The following MAG variants were observed in gnomAD, a reference collection of about 807,000 sequenced individuals.
The protein encoded by MAG is myelin-associated glycoprotein.
MAG carries 30 observed loss-of-function variants against 60.7 expected under a neutral mutation model. That is an observed-to-expected ratio of 0.49 (90% CI 0.37 to 0.67). The LOEUF is 0.67. Among genes scored for constraint, MAG ranks in the 30% least tolerant of loss-of-function variants. The pLI, the probability that MAG is intolerant of heterozygous loss-of-function variation, is 0.00. For missense variants in MAG, 795 were observed against 851.7 expected, an observed-to-expected ratio of 0.93 and a Z score of 0.83; for synonymous variants, 384 against 376.8, an observed-to-expected ratio of 1.02 and a Z score of -0.22.
At chr19:35,305,564 C>T (rs548642242) in intron 7 of MAG, among the ~76,000 whole-genome samples, 5 of 152,184 alleles carry the variant, frequency 3.3e-5, no homozygotes, top group Non-Finnish European at 7.4e-5. Flanking sequence ...CCAGCTCTGT[C>T]CCCATCCTCC....
At chr19:35,302,912 CTTTTT>C (rs869126086) in intron 7 of MAG, among the ~76,000 whole-genome samples, 2 of 99,824 alleles carry the variant, frequency 2.0e-5, no homozygotes, top group Non-Finnish European at 3.9e-5. Flanking sequence ...CGGGAGTGGG[CTTTTT>C]TTTTTTTTTT....
Position 35,293,464 on chromosome 19 carries a change from G to A in MAG, c.-79-771G>A, listed in dbSNP as rs549171322. On this transcript the variant is annotated intron_variant, in intron 1 of 10. Coordinates refer to ENST00000392213, the MANE Select transcript of MAG (RefSeq NM_002361.4). The surrounding 1 kb of genome is among the most constrained non-coding windows in gnomAD (Gnocchi z 4.0). ...TGTCTGGGTGTCTGTATGAGTCTCC[G>A]CTGCGTGTGCCTGCCCCTTCTGGCT... is the stretch of plus-strand genomic sequence containing the variant. Among the ~76,000 whole-genome samples the A allele has an allele frequency of 3.3e-5, 5 of 152,130 alleles. No individual in the cohort carries two copies. The highest frequency in any genetic ancestry group is 1.3e-4 in the Admixed American group (2 of 15,302).
In MAG at chr19:35,302,474, G is replaced by A. The variant is rs199764089; in HGVS notation, c.997G>A (p.Gly333Arg). 9 of 1,613,998 alleles carry A rather than the reference G, an allele frequency of 5.6e-6. No homozygotes were observed. The highest frequency in any genetic ancestry group is 2.7e-5 in the African/African-American group (2 of 74,886). ...MYAPWKPTVN[G>R]TMVAVEGETV... ...TGCACCCTGGAAGCCAACAGTGAAC[G>A]GGACAATGGTGGCCGTAGAGGGGGA... is the stretch of plus-strand genomic sequence containing the variant. The change falls in exon 7 of 11, where the codon GGG becomes AGG. Residue 333 changes from glycine to arginine, a missense_variant. Gly to Arg is a moderately radical substitution (Grantham distance 125). Transcript: ENST00000392213.
At chr19:35,297,519 CCA>C (rs1156992642) in intron 4 of MAG, among the ~76,000 whole-genome samples, 1 of 144,452 alleles carries the variant, frequency 6.9e-6, no homozygotes, top group Non-Finnish European at 1.5e-5. Flanking sequence ...ACCACACACA[CCA>C]CACACACCAC....
Position 35,300,196 on chromosome 19 carries a change from C to A in MAG, c.762C>A (p.Gly254=), listed in dbSNP as rs769833164. The A allele has an allele frequency of 6.4e-6, 10 of 1,570,556 alleles. No homozygotes were observed. The African/African-American group carries it at 1.2e-4, about 19-fold the overall frequency. Residue 254 remains glycine, a synonymous_variant, in exon 6 of 11, where the codon GGC becomes GGA. Coordinates refer to ENST00000392213, the MANE Select transcript of MAG (RefSeq NM_002361.4). The stretch of plus-strand genomic sequence containing the variant: ...ACTCCTCGGTGGAGGCCATCGAGGG[C>A]TCCCACGTGAGCCTGCTCTGTGGGG... ...EMNSSVEAIE[G]SHVSLLCGAD... is the part of the protein sequence containing the mutation.
At chr19:35,305,202 C>G (rs2066475242) in intron 7 of MAG, among the ~76,000 whole-genome samples, 1 of 152,158 alleles carries the variant, frequency 6.6e-6, no homozygotes, top group Non-Finnish European at 1.5e-5. Context: ...AGTGCTTGCC[C>G]TTGGAGAGTG....
Position 35,299,802 on chromosome 19 carries a change from C to T in MAG, c.664C>T (p.Pro222Ser). 6.5e-7 allele frequency: 1 copy of T among 1,539,280 alleles called. No homozygotes were observed. Residue 222 changes from proline (P) to serine (S), a missense_variant, in exon 5 of 11, where the codon CCC (proline) becomes TCC (serine). Transcript: ENST00000392213. ...CAGGCTGGGCTGCCAGGCCTCCTTC[C>T]CCAACACCACCCTGCAGTTCGAGGG... Reference protein sequence around the residue: ...GHRLGCQASFPNTTLQFEGYA... With the variant: ...GHRLGCQASFSNTTLQFEGYA...
intron 1 of MAG, among the ~76,000 whole-genome samples, chr19:35,292,493 G>A (rs1030911114): frequency 1.3e-5 from 2 of 152,074 alleles, no homozygotes; most frequent in African/African-American, 2.4e-5. Flanking sequence ...TGGGGTTCCC[G>A]AGTGCGGGGC....
chr19:35,299,419 A>T, intron 4 of MAG, 135 bp from the exon 5 acceptor site: 1 of 589,604 alleles, frequency 1.7e-6, no homozygotes, highest in Non-Finnish European at 2.8e-6. Flanking sequence ...ATCTGGAGGC[A>T]GGGAGCGGAG....
In MAG at chr19:35,309,975, G is replaced by C. The variant is rs1411127415; in HGVS notation, c.1333G>C (p.Glu445Gln). The C allele has an allele frequency of 6.2e-7, 1 of 1,614,034 alleles. No individual in the cohort carries two copies. Among genetic ancestry groups the C allele is most frequent in the Non-Finnish European group, 8.5e-7 (1 of 1,179,934 alleles). The change falls in exon 8 of 11, where the codon GAG (glutamate) becomes CAG (glutamine). Residue 445 changes from glutamate (E) to glutamine (Q), a missense_variant. By Grantham distance (29) the Glu-to-Gln change is conservative (BLOSUM62 2). Transcript: ENST00000392213. ...CAACCCGGAGCCGTCCGTGGCCTTTGAGCTGCCATCGCGCAATGTGACCGT... is the reference window on the plus strand; with the variant it reads ...CAACCCGGAGCCGTCCGTGGCCTTTCAGCTGCCATCGCGCAATGTGACCGT... The part of the protein sequence containing the change: ...KSNPEPSVAF[E>Q]LPSRNVTVNE...
rs1386726232 is a variant in MAG at position 35,310,739 on chromosome 19, C to T, written c.1616+96C>T. The T allele has an allele frequency of 2.9e-6, 3 of 1,024,266 alleles. No individual in the cohort carries two copies. In the South Asian group the frequency reaches 3.9e-5, roughly 13 times the overall value. The allele number at this position is 1,024,266 out of a possible 1,614,324, so 63.4% of individuals were successfully genotyped here. On this transcript the variant is annotated intron_variant, in intron 9 of 10. Transcript: ENST00000392213. ...CAGAGTGGGTGGGGGAAGGCAGCAC[C>T]ATAAGTGTAGAGAAGGCAGATTCTG...
chr19:35,310,628 C>A lies in MAG; in HGVS notation c.1601C>A (p.Thr534Asn). Residue 534 changes from threonine (T) to asparagine (N), a missense_variant, in exon 9 of 11, where the codon ACC (threonine) becomes AAC (asparagine). Thr to Asn is a moderately conservative substitution (Grantham distance 65). Coordinates refer to ENST00000392213, the MANE Select transcript of MAG (RefSeq NM_002361.4). Reference protein sequence around the residue: ...AILIAIVCYITQTRRKKNVTE... With the variant: ...AILIAIVCYINQTRRKKNVTE... ...CTGATTGCCATCGTCTGCTACATTACCCAGACACGCAGGAAGTGAGTGCCA... is the reference window on the plus strand; with the variant it reads ...CTGATTGCCATCGTCTGCTACATTAACCAGACACGCAGGAAGTGAGTGCCA... 6.2e-7 allele frequency: 1 copy of A among 1,614,016 alleles called. No homozygotes were observed. Among genetic ancestry groups the A allele is most frequent in the Non-Finnish European group, 8.5e-7 (1 of 1,180,002 alleles).
At chr19:35,304,533 T>TTTA (rs1205659549) in intron 7 of MAG, among the ~76,000 whole-genome samples, 5 of 151,688 alleles carry the variant, frequency 3.3e-5, no homozygotes, top group Non-Finnish European at 7.4e-5. Context: ...AGTTCTTATT[T>TTTA]TTATTATTAT....
At chr19:35,297,333 ACACAC>A (rs2066406872) in intron 4 of MAG, among the ~76,000 whole-genome samples, 1 of 144,510 alleles carries the variant, frequency 6.9e-6, no homozygotes, top group South Asian at 2.2e-4. Context: ...CACACCACAC[ACACAC>A]CACACTACAA....
At position 35,313,560 on chromosome 19, in the gene MAG, G is replaced by A. The variant is rs1351305277; in HGVS notation, c.*106G>A. The A allele has an allele frequency of 8.3e-7, 1 of 1,206,356 alleles. No homozygotes were observed. Among genetic ancestry groups the A allele is most frequent in the African/African-American group, 1.5e-5 (1 of 65,050 alleles). 74.7% of individuals were successfully genotyped at this position (1,206,356 alleles called of 1,614,324 possible). The stretch of plus-strand genomic sequence containing the variant: ...AAAAGTATCGGGGGCTGGGGCAGGA[G>A]GGGAGTGAGGCAGGTGACAGTGAGG... On this transcript the variant is annotated 3_prime_UTR_variant, in exon 11 of 11. Coordinates refer to ENST00000392213, the MANE Select transcript of MAG (RefSeq NM_002361.4).
rs1188208735 is a variant in MAG, at chr19:35,295,727, T to C, written c.161T>C (p.Val54Ala). The C allele has an allele frequency of 1.2e-6, 2 of 1,613,772 alleles. No individual in the cohort carries two copies. Among genetic ancestry groups the C allele is most frequent in the Admixed American group, 1.7e-5 (1 of 60,008 alleles). The change falls in exon 4 of 11, where the codon GTG becomes GCG. Residue 54 changes from valine (V) to alanine (A), a missense_variant. Coordinates refer to ENST00000392213, the MANE Select transcript of MAG (RefSeq NM_002361.4). This position sits in a 1 kb window ranked among gnomAD's most constrained non-coding sequence, Gnocchi z 5.8. ...FDFPDELRPAVVHGVWYFNSP... is the reference protein window; with the variant it reads ...FDFPDELRPAAVHGVWYFNSP... ...TTCCCGGATGAGCTGCGGCCCGCTGTGGTGCATGGTGTCTGGTACTTCAAT... is the reference window on the plus strand; with the variant it reads ...TTCCCGGATGAGCTGCGGCCCGCTGCGGTGCATGGTGTCTGGTACTTCAAT...
chr19:35,295,616 C>T lies in MAG; in HGVS notation c.50C>T (p.Ser17Phe). ...LPLFWIMISA[S>F]RGGHWGAWMP... ...CAGCTCTCCTGCTTGCCCGCAGCCT[C>T]CCGAGGGGGTCACTGGGGTGCCTGG... Residue 17 changes from serine (S) to phenylalanine (F), a missense_variant, in exon 4 of 11, where the codon TCC becomes TTC. Ser to Phe is a radical substitution (Grantham distance 155). Coordinates refer to ENST00000392213, the MANE Select transcript of MAG (RefSeq NM_002361.4). This position sits in a 1 kb window ranked among gnomAD's most constrained non-coding sequence, Gnocchi z 5.8. The T allele has an allele frequency of 6.2e-7, 1 of 1,604,200 alleles. No homozygotes were observed. Among genetic ancestry groups the T allele is most frequent in the Non-Finnish European group, 8.5e-7 (1 of 1,176,504 alleles).
rs779021354 is a variant in MAG, at chr19:35,295,583, C to T, written c.47-30C>T. On this transcript the variant is annotated intron_variant, in intron 3 of 10. Coordinates refer to ENST00000392213, the MANE Select transcript of MAG (RefSeq NM_002361.4). The surrounding 1 kb of genome is among the most constrained non-coding windows in gnomAD (Gnocchi z 5.8). ...GGGGGTGATCGGGTAGGACGTGTCC[C>T]TGAGCCTCAGCTCTCCTGCTTGCCC... 4 of 1,594,230 alleles carry T rather than the reference C, an allele frequency of 2.5e-6. No individual in the cohort carries two copies. Among genetic ancestry groups the T allele is most frequent in the Non-Finnish European group, 3.4e-6 (4 of 1,171,256 alleles).
At chr19:35,300,539 G>A (rs973394924) in intron 6 of MAG, 135 bp downstream of exon 6, 1 of 1,120,750 alleles carries the variant, frequency 8.9e-7, no homozygotes, top group Non-Finnish European at 1.2e-6. Context: ...GGTAGACAGG[G>A]GGGTTGCAAG....
Sources: allele counts gnomAD v4.1 joint callset (sites outside exome capture counted in the v4.1 genomes callset), GRCh38; gene constraint gnomAD v4.1.1; non-coding constraint Gnocchi (gnomAD v3.1); transcripts MANE v1.5; gene names NCBI Gene and HGNC (gene_info 2026-07-23, HGNC 2026-07-21).